PHF19: variants seen among roughly 807,000 people sequenced by gnomAD.
The protein encoded by PHF19 is polycomb like 3.
A neutral mutation model predicts 79.8 loss-of-function variants in PHF19; 21 were observed. The ratio of observed to expected loss-of-function variants is 0.26; its 90% CI spans 0.19 to 0.38. The LOEUF (loss-of-function observed/expected upper bound fraction) is 0.38. Among genes scored for constraint, PHF19 ranks in the 10% least tolerant of loss-of-function variants. The pLI, the probability that PHF19 is intolerant of heterozygous loss-of-function variation, is 1.00. For synonymous variants in PHF19, 273 were observed against 296.3 expected (o/e 0.92, Z 0.81); for missense variants, 445 against 744.2 (o/e 0.60, Z 4.68).
chr9:120,859,212 C>T (rs923428603), intron 14 of PHF19, among the ~76,000 whole-genome samples: 1 of 147,986 alleles, frequency 6.8e-6, no homozygotes. Context: ...CAGACCTCTA[C>T]AGGCATTATA....
In PHF19 at chr9:120,862,577, C is replaced by A; in HGVS notation, c.1130+11G>T. 1 of 1,610,774 alleles carries A rather than the reference C, an allele frequency of 6.2e-7. No homozygotes were observed. The highest frequency in any genetic ancestry group is 8.5e-7 in the Non-Finnish European group (1 of 1,178,196). ...GCGGCAGCCCTGGCCCCTGGGTCCC[C>A]GAGCACTGACCCAGGCTTGCTCTTT... On this transcript the variant is annotated intron_variant, in intron 11 of 14. Coordinates refer to ENST00000373896, the MANE Select transcript of PHF19 (RefSeq NM_015651.3). The surrounding 1 kb of genome is among the most constrained non-coding windows in gnomAD (Gnocchi z 4.6).
rs1199266110 is a variant in PHF19, at chr9:120,893,079, TTGAG to T, written c.42+1705_42+1708del. On this transcript the variant is annotated intron_variant, in intron 1 of 14. Transcript: ENST00000616568. ...CACCTTATCAGAGTTGCTGGGAGGATTGAGTAAGATGATGTAAAGTGCCTAGCAT... is the reference window on the plus strand; with the variant it reads ...CACCTTATCAGAGTTGCTGGGAGGATTAAGATGATGTAAAGTGCCTAGCAT... Among the ~76,000 whole-genome samples, 3 of 152,116 alleles carry T rather than the reference TTGAG, an allele frequency of 2.0e-5. No homozygotes were observed. The South Asian group carries it at 6.2e-4, about 32-fold the overall frequency.
chr9:120,880,350 C>A (rs2046160532), upstream of PHF19, among the ~76,000 whole-genome samples: 1 of 152,130 alleles, frequency 6.6e-6, no homozygotes, highest in African/African-American at 2.4e-5. Context: ...CAAAAATTAG[C>A]CGGGCATGGT....
chr9:120,874,811 A>G lies in PHF19; in HGVS notation c.-15-55T>C, dbSNP rs2046001440. 2 of 1,214,968 alleles carry G rather than the reference A, an allele frequency of 1.6e-6. No individual in the cohort carries two copies. Among genetic ancestry groups the G allele is most frequent in the African/African-American group, 1.5e-5 (1 of 66,854 alleles). The allele number at this position is 1,214,968 out of a possible 1,614,324, so 75.3% of individuals were successfully genotyped here. ...CTTGCTTCCCTGCTTCAGAAAGCCC[A>G]TCAGGGGAAGGAAGGAAACCACCAT... On this transcript the variant is annotated intron_variant, in intron 1 of 14. Coordinates refer to ENST00000373896, the MANE Select transcript of PHF19 (RefSeq NM_015651.3). This position sits in a 1 kb window ranked among gnomAD's most constrained non-coding sequence, Gnocchi z 4.5.
At chr9:120,899,542 C>A (rs1457426371), upstream of PHF19, among the ~76,000 whole-genome samples, 2 of 152,046 alleles carry the variant, frequency 1.3e-5, no homozygotes, top group African/African-American at 4.8e-5. Context: ...CTTACACTGG[C>A]ACCCCCACAG....
chr9:120,870,095 G>C lies in PHF19; in HGVS notation c.365-150C>G. On this transcript the variant is annotated intron_variant, in intron 4 of 14. Coordinates refer to ENST00000373896, the MANE Select transcript of PHF19 (RefSeq NM_015651.3). This position sits in a 1 kb window ranked among gnomAD's most constrained non-coding sequence, Gnocchi z 4.4. ...GAGCCTGGCTGCTGGTGCCCACCAA[G>C]ATGGCCAAGTCAGTGTCCAGGCTGG... 8.6e-7 allele frequency: 1 copy of C among 1,165,296 alleles called. No homozygotes were observed. The highest frequency in any genetic ancestry group is 1.2e-6 in the Non-Finnish European group (1 of 835,474). 72.2% of individuals were successfully genotyped at this position (1,165,296 alleles called of 1,614,324 possible). A position where few individuals can be genotyped will look rare whatever the true frequency, so the allele number is the denominator to read the frequency against.
At position 120,870,745 on chromosome 9, in the gene PHF19, C is replaced by T. The variant is rs976693441; in HGVS notation, c.269-207G>A. ...ATTGAGGCTCTGAAAGGTTAAGTCC[C>T]TTGCTTAGCTAGTAAGTAGGTGAGG... On this transcript the variant is annotated intron_variant, in intron 3 of 14. Transcript: ENST00000373896. The surrounding 1 kb of genome is among the most constrained non-coding windows in gnomAD (Gnocchi z 4.4). 6.6e-6 allele frequency among the ~76,000 whole-genome samples: 1 copy of T among 152,260 alleles called. No homozygotes were observed. Among genetic ancestry groups the T allele is most frequent in the East Asian group, 1.9e-4 (1 of 5,188 alleles).
chr9:120,867,838 G>T (rs1031007318), intron 6 of PHF19, among the ~76,000 whole-genome samples: 13 of 152,178 alleles, frequency 8.5e-5, no homozygotes, highest in African/African-American at 3.1e-4. Flanking sequence ...AACTTCCTGA[G>T]GGCAGAGACC....
chr9:120,899,995 C>CT, the PHF19 span, among the ~76,000 whole-genome samples: 6 of 151,552 alleles, frequency 4.0e-5, no homozygotes, highest in African/African-American at 9.7e-5. Flanking sequence ...ACTGACTTTT[C>CT]TTTTTTTTTG....
chr9:120,862,002 C>T lies in PHF19; in HGVS notation c.1134G>A (p.Leu378=), dbSNP rs1564493461. ...LRKRGKSKPG[L]LPHEFQQQKR... is the part of the protein sequence containing the mutation. ...TCTGCTGCTGGAATTCGTGAGGCAA[C>T]AAACTGTGGAGACAGAAGAGGGAGA... is the stretch of plus-strand genomic sequence containing the variant. The change falls in exon 12 of 15, where the codon TTG becomes TTA. Residue 378 remains leucine, a synonymous_variant. Transcript: ENST00000373896. This position sits in a 1 kb window ranked among gnomAD's most constrained non-coding sequence, Gnocchi z 4.6. 4 of 1,612,696 alleles carry T rather than the reference C, an allele frequency of 2.5e-6. No individual in the cohort carries two copies. The highest frequency in any genetic ancestry group is 3.4e-6 in the Non-Finnish European group (4 of 1,178,644).
At chr9:120,863,278 G>T (rs2045591227) in intron 10 of PHF19, among the ~76,000 whole-genome samples, 1 of 151,100 alleles carries the variant, frequency 6.6e-6, no homozygotes, top group South Asian at 2.1e-4. Context: ...AGCTTTGTCT[G>T]GGCCCTAAAC....
intron 14 of PHF19, among the ~76,000 whole-genome samples, chr9:120,859,559 G>A (rs954826256): frequency 6.6e-6 from 1 of 152,202 alleles, no homozygotes; most frequent in Non-Finnish European, 1.5e-5. Context: ...CAGTTGTACT[G>A]GAGATAGGCC....
chr9:120,857,542 G>A lies in PHF19; in HGVS notation c.*402C>T, dbSNP rs1304451334. 1 of 172,588 alleles carries A rather than the reference G, an allele frequency of 5.8e-6. No individual in the cohort carries two copies. Among genetic ancestry groups the A allele is most frequent in the Non-Finnish European group, 1.2e-5 (1 of 82,282 alleles). The allele number at this position is 172,588 out of a possible 1,614,324, so 10.7% of individuals were successfully genotyped here. A position where few individuals can be genotyped will look rare whatever the true frequency, so the allele number is the denominator to read the frequency against. ...ACGGGTCACGTGTGAAGGGGATCCA[G>A]TGGAGGGACAGCTGTGCACACACAG... On this transcript the variant is annotated 3_prime_UTR_variant, in exon 15 of 15. Coordinates refer to ENST00000373896, the MANE Select transcript of PHF19 (RefSeq NM_015651.3).
chr9:120,874,107 G>A lies in PHF19; in HGVS notation c.187-47C>T. The A allele has an allele frequency of 9.9e-7, 1 of 1,012,066 alleles. No homozygotes were observed. 62.7% of individuals were successfully genotyped at this position (1,012,066 alleles called of 1,614,324 possible). A position where few individuals can be genotyped will look rare whatever the true frequency, so the allele number is the denominator to read the frequency against. ...GCAAGTGAGAAAGGGCTGGGGAAAAGCCAACCTGGAACATAGTCTTCCTCC... is the reference window on the plus strand; with the variant it reads ...GCAAGTGAGAAAGGGCTGGGGAAAAACCAACCTGGAACATAGTCTTCCTCC... On this transcript the variant is annotated intron_variant, in intron 2 of 14. Coordinates refer to ENST00000373896, the MANE Select transcript of PHF19 (RefSeq NM_015651.3). The surrounding 1 kb of genome is among the most constrained non-coding windows in gnomAD (Gnocchi z 4.5).
chr9:120,895,382 C>G (rs1304640777), upstream of PHF19, among the ~76,000 whole-genome samples: 1 of 150,038 alleles, frequency 6.7e-6, no homozygotes. Flanking sequence ...AGCCTGAGTT[C>G]GAGACCAGCC....
chr9:120,882,712 G>A (rs1003226701), intron 1 of PHF19, among the ~76,000 whole-genome samples: 1 of 151,752 alleles, frequency 6.6e-6, no homozygotes, highest in Non-Finnish European at 1.5e-5. Flanking sequence ...CATGGTGGCG[G>A]CCACCTGTAA....
upstream of PHF19, among the ~76,000 whole-genome samples, chr9:120,882,041 C>T (rs148405854): frequency 1.5e-4 from 23 of 152,328 alleles, no homozygotes; most frequent in East Asian, 5.8e-4. Context: ...ATTACAGGTG[C>T]GTGCCACTGC....
chr9:120,864,071 C>T lies in PHF19; in HGVS notation c.946G>A (p.Ala316Thr), dbSNP rs1433564883. Residue 316 changes from alanine to threonine, a missense_variant, in exon 10 of 15, where the codon GCT becomes ACT. Coordinates refer to ENST00000373896, the MANE Select transcript of PHF19 (RefSeq NM_015651.3). ...CACCGGCTTTTATAACTGTTCAGAG[C>T]GTTGAGGAGATGTGGTCCTCGATCT... ...VTDRGPHLLN[A>T]LNSYKSRFLC... 8 of 1,613,858 alleles carry T rather than the reference C, an allele frequency of 5.0e-6. No homozygotes were observed. The highest frequency in any genetic ancestry group is 4.5e-5 in the East Asian group (2 of 44,882).
upstream of PHF19, among the ~76,000 whole-genome samples, chr9:120,882,128 A>C (rs1469866595): frequency 6.6e-6 from 1 of 152,192 alleles, no homozygotes; most frequent in Non-Finnish European, 1.5e-5. Flanking sequence ...TCCATTTTGC[A>C]GGGGATGAAA....
Sources: gnomAD v4.1 joint callset for allele counts (sites outside exome capture counted in the v4.1 genomes callset) on GRCh38, gnomAD v4.1.1 for gene constraint, Gnocchi (gnomAD v3.1) non-coding constraint, MANE v1.5 for transcripts, NCBI Gene and HGNC (gene_info 2026-07-23, HGNC 2026-07-21) for gene names.